The following GNS variants were observed in gnomAD, a reference collection of about 807,000 sequenced individuals.
The protein encoded by GNS is N-acetylglucosamine-6-sulfatase.
GNS carries 40 observed loss-of-function variants against 69.7 expected under a neutral mutation model. That is an observed-to-expected ratio of 0.57 (90% CI 0.45 to 0.75). The LOEUF is 0.75. GNS is among the 30% of genes least tolerant of loss of function. The pLI is 0.00. For synonymous variants in GNS, 243 were observed against 251.6 expected (o/e 0.97, Z 0.32); for missense variants, 565 against 685.5 (o/e 0.82, Z 1.96).
chr12:64,737,365 A>T (rs1044229045), intron 8 of GNS, among the ~76,000 whole-genome samples: 1 of 152,246 alleles, frequency 6.6e-6, no homozygotes, highest in Non-Finnish European at 1.5e-5. Context: ...TAATGACAGG[A>T]AAGTATTGAA....
At chr12:64,734,910 G>T (rs942558723) in intron 9 of GNS, among the ~76,000 whole-genome samples, 1 of 152,026 alleles carries the variant, frequency 6.6e-6, no homozygotes, top group African/African-American at 2.4e-5. Context: ...AGACCATCCT[G>T]GCTAACACGG....
At chr12:64,754,735 A>G (rs964203060) in intron 1 of GNS, among the ~76,000 whole-genome samples, 6 of 152,006 alleles carry the variant, frequency 3.9e-5, no homozygotes, top group African/African-American at 4.8e-5. Flanking sequence ...CAAAAAATAT[A>G]AAAATTAGCT....
chr12:64,721,500 G>A (rs978675315), intron 12 of GNS, 95 bp downstream of exon 12: 1 of 771,626 alleles, frequency 1.3e-6, no homozygotes, highest in Non-Finnish European at 2.4e-6. Flanking sequence ...CTTCCCTAGG[G>A]AGCAGCCTTG....
chr12:64,734,137 C>CTCAA (rs1869489568), intron 9 of GNS, among the ~76,000 whole-genome samples: 1 of 152,198 alleles, frequency 6.6e-6, no homozygotes. Flanking sequence ...AAAGCTGGGG[C>CTCAA]ATTTCATGCT....
chr12:64,734,703 T>C (rs1312765641), intron 9 of GNS, among the ~76,000 whole-genome samples: 1 of 152,230 alleles, frequency 6.6e-6, no homozygotes, highest in East Asian at 1.9e-4. Context: ...TCTGCACAGC[T>C]AAATCCTTCT....
intron 9 of GNS, among the ~76,000 whole-genome samples, chr12:64,731,465 C>T (rs577380884): frequency 3.4e-4 from 51 of 152,168 alleles, no homozygotes; most frequent in Non-Finnish European, 7.1e-4. Flanking sequence ...AGCACAAGTA[C>T]CGTAAGCACA....
chr12:64,753,563 T>C (rs1870148310), intron 1 of GNS, among the ~76,000 whole-genome samples: 1 of 152,218 alleles, frequency 6.6e-6, no homozygotes, highest in African/African-American at 2.4e-5. Context: ...ACGATGATTC[T>C]GAGATACCTT....
At chr12:64,755,281 T>C (rs1342992588) in intron 1 of GNS, among the ~76,000 whole-genome samples, 1 of 152,206 alleles carries the variant, frequency 6.6e-6, no homozygotes, top group Non-Finnish European at 1.5e-5. Flanking sequence ...GAAATTGTTT[T>C]GCTTTCAGTG....
In GNS at chr12:64,739,480, C is replaced by T. The variant is rs1327778268; in HGVS notation, c.895G>A (p.Val299Ile). Residue 299 changes from valine to isoleucine, a missense_variant, in exon 8 of 14, where the codon GTT (valine) becomes ATT (isoleucine). Coordinates refer to ENST00000258145, the MANE Select transcript of GNS (RefSeq NM_002076.4). Reference sequence around the variant, plus strand: ...ACCAGTTTCTCCACAAGGTCATCAACTGAGAGGAGAGTTTGCCACCTGGAT... The same window carrying T: ...ACCAGTTTCTCCACAAGGTCATCAATTGAGAGGAGAGTTTGCCACCTGGAT... ...FRKRWQTLLS[V>I]DDLVEKLVKR... The T allele has an allele frequency of 3.8e-6, 6 of 1,599,444 alleles. No homozygotes were observed. Among genetic ancestry groups the T allele is most frequent in the East Asian group, 4.5e-5 (2 of 44,724 alleles).
intron 13 of GNS, among the ~76,000 whole-genome samples, chr12:64,717,639 A>C (rs906592573): frequency 6.6e-6 from 1 of 151,674 alleles, no homozygotes; most frequent in Admixed American, 6.6e-5. Flanking sequence ...CTGGGATTAC[A>C]AATGTGAGCC....
intron 6 of GNS, among the ~76,000 whole-genome samples, chr12:64,741,625 C>A (rs1014422047): frequency 6.6e-6 from 1 of 151,894 alleles, no homozygotes; most frequent in African/African-American, 2.4e-5. Flanking sequence ...ATATCGGTCA[C>A]CCTAGATCCT....
chr12:64,738,572 G>A (rs1869623440), intron 8 of GNS, among the ~76,000 whole-genome samples: 1 of 152,088 alleles, frequency 6.6e-6, no homozygotes, highest in African/African-American at 2.4e-5. Flanking sequence ...TAGCACTTAG[G>A]GAGGCTGAGG....
intron 1 of GNS, among the ~76,000 whole-genome samples, chr12:64,758,703 G>C (rs1870357429): frequency 6.6e-6 from 1 of 152,026 alleles, no homozygotes; most frequent in African/African-American, 2.4e-5. Flanking sequence ...CTCATAAAGG[G>C]GACTGGACTT....
intron 2 of GNS, among the ~76,000 whole-genome samples, chr12:64,749,217 G>A (rs1344163031): frequency 1.3e-5 from 2 of 148,250 alleles, no homozygotes; most frequent in Admixed American, 6.8e-5. Context: ...GGGATTACAG[G>A]CGTGAGCCAC....
intron 9 of GNS, among the ~76,000 whole-genome samples, chr12:64,735,692 T>C (rs988952028): frequency 2.0e-5 from 3 of 152,232 alleles, no homozygotes; most frequent in Admixed American, 1.3e-4. Context: ...GCTGCTGACA[T>C]GGTCTCCTCA....
intron 13 of GNS, among the ~76,000 whole-genome samples, chr12:64,717,872 C>A (rs1009072181): frequency 2.0e-5 from 3 of 152,146 alleles, no homozygotes; most frequent in African/African-American, 7.2e-5. Flanking sequence ...TGGGGCTTCA[C>A]GCATCCACTG....
chr12:64,737,394 T>G (rs1389233172), intron 8 of GNS, among the ~76,000 whole-genome samples: 2 of 152,066 alleles, frequency 1.3e-5, no homozygotes, highest in African/African-American at 4.8e-5. Flanking sequence ...ACATAAAAAA[T>G]TATGCATGCT....
chr12:64,753,458 T>G (rs1870144967), intron 1 of GNS, among the ~76,000 whole-genome samples: 1 of 152,210 alleles, frequency 6.6e-6, no homozygotes, highest in South Asian at 2.1e-4. Flanking sequence ...GACAGTCATT[T>G]AAATACGAAT....
Position 64,759,307 on chromosome 12 carries a change from G to C in GNS, c.-31C>G. 1 of 1,416,194 alleles carries C rather than the reference G, an allele frequency of 7.1e-7. No homozygotes were observed. The highest frequency in any genetic ancestry group is 9.4e-7 in the Non-Finnish European group (1 of 1,067,234). The allele number at this position is 1,416,194 out of a possible 1,614,324, so 87.7% of individuals were successfully genotyped here. ...ACAGGCTCCGGGGTGACCCCGGGAC[G>C]GGACGGGACGGAGGGACGCACAGGT... On this transcript the variant is annotated 5_prime_UTR_variant, in exon 1 of 14. Coordinates refer to ENST00000258145, the MANE Select transcript of GNS (RefSeq NM_002076.4).
Sources: allele counts gnomAD v4.1 joint callset (sites outside exome capture counted in the v4.1 genomes callset), GRCh38; gene constraint gnomAD v4.1.1; transcripts MANE v1.5; gene names NCBI Gene and HGNC (gene_info 2026-07-23, HGNC 2026-07-21).